Variants in COL5A2 observed in about 807,000 individuals in gnomAD.
COL5A2 encodes collagen type V alpha 2 chain.
Under a neutral mutation model 208.2 loss-of-function variants are expected in COL5A2, and 23 were observed. That is an observed-to-expected ratio of 0.11 (90% CI 0.08 to 0.16). COL5A2 has a LOEUF of 0.16. Among genes scored for constraint, COL5A2 ranks in the 10% least tolerant of loss-of-function variants. COL5A2 has a pLI of 1.00. For missense variants in COL5A2, 1,590 were observed against 1,956.4 expected (o/e 0.81, Z 3.53); for synonymous variants, 625 against 628.5 (o/e 0.99, Z 0.08).
chr2:189,396,501 G>A, the COL5A2 span, among the ~76,000 whole-genome samples: 3 of 151,198 alleles, frequency 2.0e-5, no homozygotes, highest in Admixed American at 6.6e-5. Context: ...GTGAAACCCC[G>A]TCTCTACTAA....
At chr2:189,402,350 T>A in the COL5A2 span, among the ~76,000 whole-genome samples, 1 of 152,214 alleles carries the variant, frequency 6.6e-6, no homozygotes, top group Non-Finnish European at 1.5e-5. Flanking sequence ...CCCGAGTAGC[T>A]GGGATTACTG....
chr2:189,327,046 G>A, the COL5A2 span, among the ~76,000 whole-genome samples: 1 of 151,028 alleles, frequency 6.6e-6, no homozygotes, highest in Admixed American at 6.6e-5. Context: ...ACTCCAGCCT[G>A]GGTGACAGAG....
At chr2:189,424,774 T>C in the COL5A2 span, among the ~76,000 whole-genome samples, 1 of 152,164 alleles carries the variant, frequency 6.6e-6, no homozygotes, top group Non-Finnish European at 1.5e-5. Context: ...CTTATCAAAA[T>C]AGCAATGGCA....
chr2:189,423,896 A>G, the COL5A2 span, among the ~76,000 whole-genome samples: 71 of 139,750 alleles, frequency 5.1e-4, no homozygotes, highest in African/African-American at 1.9e-3. Flanking sequence ...GACGAGGGGG[A>G]AAAAAAAAAG....
At chr2:189,374,054 T>G in the COL5A2 span, among the ~76,000 whole-genome samples, 1 of 152,216 alleles carries the variant, frequency 6.6e-6, no homozygotes, top group Non-Finnish European at 1.5e-5. Context: ...AAATGTCTTA[T>G]GGGGGAATAG....
chr2:189,145,602 C>T (rs566842304), intron 1 of COL5A2, among the ~76,000 whole-genome samples: 1 of 152,094 alleles, frequency 6.6e-6, no homozygotes, highest in Non-Finnish European at 1.5e-5. Context: ...CTAGATCATT[C>T]TGGGCTCTTT....
the COL5A2 span, among the ~76,000 whole-genome samples, chr2:189,379,765 T>TG: frequency 6.6e-6 from 1 of 152,188 alleles, no homozygotes; most frequent in African/African-American, 2.4e-5. Flanking sequence ...TCCAAGCTCG[T>TG]GGTCTTTCTA....
intron 24 of COL5A2, 132 bp from the exon 25 acceptor site, chr2:189,064,787 A>C (rs771149016): frequency 3.5e-5 from 30 of 845,530 alleles, no homozygotes; most frequent in Non-Finnish European, 4.9e-5. Context: ...ATAACGTATA[A>C]AATTTTGTCA....
the COL5A2 span, among the ~76,000 whole-genome samples, chr2:189,236,080 C>T: frequency 1.3e-5 from 2 of 151,462 alleles, no homozygotes; most frequent in Non-Finnish European, 2.9e-5. Flanking sequence ...GTTGTCACAA[C>T]TTGCTGTTCA....
the COL5A2 span, among the ~76,000 whole-genome samples, chr2:189,348,848 C>T: frequency 6.6e-6 from 1 of 152,152 alleles, no homozygotes; most frequent in African/African-American, 2.4e-5. Context: ...ACAAACAAGA[C>T]AATTTATTAC....
At chr2:189,317,095 C>T in the COL5A2 span, among the ~76,000 whole-genome samples, 1 of 151,800 alleles carries the variant, frequency 6.6e-6, no homozygotes, top group Admixed American at 6.6e-5. Flanking sequence ...TTATATAAAG[C>T]CAAAGGTATA....
chr2:189,038,211 A>G (rs1304758381), intron 51 of COL5A2, among the ~76,000 whole-genome samples: 16 of 152,104 alleles, frequency 1.1e-4, no homozygotes, highest in Admixed American at 1.0e-3. Context: ...AGTAGCCTGC[A>G]GTGTTTATGG....
intron 33 of COL5A2, 22 bp downstream of exon 33, chr2:189,058,407 C>T: frequency 6.3e-7 from 1 of 1,583,224 alleles, no homozygotes; most frequent in Non-Finnish European, 8.7e-7. Flanking sequence ...TTTTAAAACA[C>T]TGAGATCACT....
rs1438013372 is a variant in COL5A2 at position 189,083,965 on chromosome 2, A to T, written c.852+19T>A. 1.3e-6 allele frequency: 2 copies of T among 1,585,712 alleles called. No individual in the cohort carries two copies. The highest frequency in any genetic ancestry group is 2.7e-5 in the African/African-American group (2 of 74,328). On this transcript the variant is annotated intron_variant, in intron 12 of 53. Coordinates refer to ENST00000374866, the MANE Select transcript of COL5A2 (RefSeq NM_000393.5). ...TCTTTATTTTTCAAAGTTTGCCTTT[A>T]TGTTGAGTATAAACTTACCGGAGAT... is the stretch of plus-strand genomic sequence containing the variant.
At position 189,078,536 on chromosome 2, in the gene COL5A2, G is replaced by A; in HGVS notation, c.1039C>T (p.Leu347Phe). 6.2e-7 allele frequency: 1 copy of A among 1,612,378 alleles called. No homozygotes were observed. Among genetic ancestry groups the A allele is most frequent in the South Asian group, 1.1e-5 (1 of 91,046 alleles). The change falls in exon 16 of 54, where the codon CTT (leucine) becomes TTT (phenylalanine). Residue 347 changes from leucine (L) to phenylalanine (F), a missense_variant. Physicochemically the swap from Leu to Phe is conservative, Grantham distance 22. Coordinates refer to ENST00000374866, the MANE Select transcript of COL5A2 (RefSeq NM_000393.5). ...PRGMPGERGR[L>F]GPQGAPGQRG... ...CTTACAGGAGCACCCTGTGGCCCAA[G>A]TCTCCCTCTCTCTCCTGGCATTCCC...
chr2:189,301,924 A>T, the COL5A2 span, among the ~76,000 whole-genome samples: 840 of 152,090 alleles, frequency 5.5e-3, 12 homozygotes, highest in African/African-American at 0.019. Flanking sequence ...ACAAATACAA[A>T]TTTTTTTTCA....
chr2:189,123,152 C>A (rs537946716), intron 1 of COL5A2, among the ~76,000 whole-genome samples: 2 of 152,116 alleles, frequency 1.3e-5, no homozygotes, highest in Non-Finnish European at 2.9e-5. Flanking sequence ...TTAGTAGAGA[C>A]AAGGTTTCAC....
At chr2:189,344,093 A>G in the COL5A2 span, among the ~76,000 whole-genome samples, 2 of 152,314 alleles carry the variant, frequency 1.3e-5, no homozygotes, top group East Asian at 3.9e-4. Flanking sequence ...AAATGTACAT[A>G]CACATAAACA....
intron 1 of COL5A2, among the ~76,000 whole-genome samples, chr2:189,208,683 A>AAGCC (rs1282684350): frequency 2.0e-5 from 3 of 152,330 alleles, no homozygotes; most frequent in Non-Finnish European, 2.9e-5. Context: ...AGGCAATGAG[A>AAGCC]AGCCACTGGA....
Sources: gnomAD v4.1 joint callset for allele counts (sites outside exome capture counted in the v4.1 genomes callset) on GRCh38, gnomAD v4.1.1 for gene constraint, MANE v1.5 for transcripts, NCBI Gene and HGNC (gene_info 2026-07-23, HGNC 2026-07-21) for gene names.